The following ENOX2 variants were observed in gnomAD, a reference collection of about 807,000 sequenced individuals.
ENOX2 encodes ecto-NOX disulfide-thiol exchanger 2.
ENOX2 carries 36 observed loss-of-function variants against 45.0 expected under a neutral mutation model. The observed-to-expected ratio is 0.80, with a 90% CI of 0.61 to 1.06. ENOX2 has a LOEUF of 1.06. ENOX2 is among the 50% of genes least tolerant of loss of function. ENOX2 has a pLI of 0.00. For synonymous variants in ENOX2, 174 were observed against 152.3 expected, an observed-to-expected ratio of 1.14 and a Z score of -1.05; for missense variants, 423 against 462.5, an observed-to-expected ratio of 0.91 and a Z score of 0.78.
At chrX:130,766,084 G>A (rs1467961245) in intron 3 of ENOX2, among the ~76,000 whole-genome samples, 2 of 111,223 alleles carry the variant, frequency 1.8e-5, no homozygotes, top group Non-Finnish European at 3.8e-5. Flanking sequence ...TTAGTACTTT[G>A]TTCTTTCCAG....
In ENOX2 at chrX:130,799,070, C is replaced by T. The variant is rs751093877; in HGVS notation, c.-182-15380G>A. Among the ~76,000 whole-genome samples the T allele has an allele frequency of 1.3e-4, 15 of 111,285 alleles. No homozygotes were observed. The South Asian group carries it at 2.0e-3, about 15-fold the overall frequency. The stretch of plus-strand genomic sequence containing the variant: ...CCTGGGTGTGTCTGTAAGGGCGATG[C>T]CAAAGGAGATTAACATTTGAGTTAG... On this transcript the variant is annotated intron_variant, in intron 2 of 14. Transcript: ENST00000394363.
intron 2 of ENOX2, among the ~76,000 whole-genome samples, chrX:130,838,160 C>T (rs993477031): frequency 8.9e-6 from 1 of 111,772 alleles, no homozygotes; most frequent in Admixed American, 9.5e-5. Context: ...GTGGGCGGAT[C>T]ACTTGAGGTA....
intron 10 of ENOX2, chrX:130,646,046 C>G (rs1265738640): frequency 7.1e-6 from 4 of 560,117 alleles, no homozygotes; most frequent in Non-Finnish European, 1.3e-5. Context: ...ACGTCAACGT[C>G]CCTAGCACAA....
rs185440429 is a variant in ENOX2, at chrX:130,896,863, A to G, written c.-183+4821T>C. On this transcript the variant is annotated intron_variant, in intron 2 of 14. Coordinates refer to ENST00000394363, the MANE Select transcript of ENOX2 (RefSeq NM_006375.4). Reference sequence around the variant, plus strand: ...TTCAGGATCCTGAATGACCACTGATACGTTATTGTAGAGAAAATCAGATAT... The same window carrying G: ...TTCAGGATCCTGAATGACCACTGATGCGTTATTGTAGAGAAAATCAGATAT... Among the ~76,000 whole-genome samples, 84 of 112,040 alleles carry G rather than the reference A, an allele frequency of 7.5e-4. 2 individuals are homozygous for G. The highest frequency in any genetic ancestry group is 2.6e-3 in the African/African-American group (80 of 30,844).
intron 3 of ENOX2, among the ~76,000 whole-genome samples, chrX:130,731,524 G>A (rs2038738326): frequency 8.9e-6 from 1 of 111,933 alleles, no homozygotes; most frequent in East Asian, 2.8e-4. Context: ...GGGAAAAGGA[G>A]GAGGAGAAAC....
chrX:130,837,310 T>G (rs929832667), intron 2 of ENOX2, among the ~76,000 whole-genome samples: 1 of 111,963 alleles, frequency 8.9e-6, no homozygotes, highest in Non-Finnish European at 1.9e-5. Flanking sequence ...CAACAGCTCA[T>G]CTACAGTAAC....
At chrX:130,655,155 G>C (rs968750110) in intron 10 of ENOX2, among the ~76,000 whole-genome samples, 1 of 111,880 alleles carries the variant, frequency 8.9e-6, no homozygotes, top group Non-Finnish European at 1.9e-5. Flanking sequence ...TGTTTATTTT[G>C]GCTATAAGTT....
At chrX:130,851,541 G>A (rs886178042) in intron 2 of ENOX2, among the ~76,000 whole-genome samples, 1 of 107,636 alleles carries the variant, frequency 9.3e-6, no homozygotes, top group Non-Finnish European at 1.9e-5. Context: ...TCAATCTATG[G>A]TGCCTGATAC....
intron 9 of ENOX2, among the ~76,000 whole-genome samples, chrX:130,665,340 G>A (rs1312381274): frequency 1.8e-5 from 2 of 112,055 alleles, no homozygotes; most frequent in Non-Finnish European, 3.8e-5. Flanking sequence ...AGTAATTATT[G>A]TTGTACCCAA....
chrX:130,674,801 ATG>A (rs2037093791), intron 6 of ENOX2, among the ~76,000 whole-genome samples: 1 of 85,114 alleles, frequency 1.2e-5, no homozygotes, highest in Non-Finnish European at 2.2e-5. Context: ...CCAGAGTGTG[ATG>A]TTCCCCTTCC....
At chrX:130,628,251 G>A (rs2035602719) in intron 13 of ENOX2, among the ~76,000 whole-genome samples, 2 of 112,381 alleles carry the variant, frequency 1.8e-5, no homozygotes, top group African/African-American at 6.5e-5. Context: ...GGACACAGAT[G>A]CACTAAAAGT....
intron 6 of ENOX2, among the ~76,000 whole-genome samples, chrX:130,674,426 A>C: frequency 9.1e-6 from 1 of 109,991 alleles, no homozygotes; most frequent in Middle Eastern, 4.7e-3. Flanking sequence ...GGCCTAATAT[A>C]TGCCTAATTG....
intron 4 of ENOX2, among the ~76,000 whole-genome samples, chrX:130,698,962 TAAAG>T (rs1336685890): frequency 9.0e-6 from 1 of 111,680 alleles, no homozygotes; most frequent in Non-Finnish European, 1.9e-5. Context: ...GAGGGGAAAA[TAAAG>T]GAAGCAGCAG....
At chrX:130,791,950 C>T (rs2077050305) in intron 2 of ENOX2, among the ~76,000 whole-genome samples, 2 of 112,334 alleles carry the variant, frequency 1.8e-5, no homozygotes, top group South Asian at 7.5e-4. Context: ...GGTTACATGT[C>T]CCATTTACAA....
intron 3 of ENOX2, among the ~76,000 whole-genome samples, chrX:130,721,068 G>A (rs1023974832): frequency 2.7e-5 from 3 of 111,807 alleles, no homozygotes; most frequent in Non-Finnish European, 3.8e-5. Flanking sequence ...AAGGACAGAT[G>A]TCGTTAAAGG....
chrX:130,633,830 C>T (rs941117068), intron 12 of ENOX2, among the ~76,000 whole-genome samples: 32 of 112,112 alleles, frequency 2.9e-4, no homozygotes, highest in African/African-American at 9.7e-4. Context: ...TTAGAAGCCC[C>T]GATGGCATGA....
At chrX:130,725,977 T>C (rs2038595128) in intron 3 of ENOX2, among the ~76,000 whole-genome samples, 2 of 112,287 alleles carry the variant, frequency 1.8e-5, no homozygotes, top group South Asian at 3.7e-4. Flanking sequence ...TCCTAGATTC[T>C]TGCTTAGTGA....
intron 6 of ENOX2, 147 bp from the exon 7 acceptor site, chrX:130,670,345 G>A (rs55718093): frequency 4.3e-4 from 194 of 453,711 alleles, no homozygotes; most frequent in Non-Finnish European, 7.0e-4. Context: ...CACTGCAGCA[G>A]TTCCAAGTGA....
intron 2 of ENOX2, among the ~76,000 whole-genome samples, chrX:130,873,633 T>C (rs2148558479): frequency 8.9e-6 from 1 of 111,820 alleles, no homozygotes; most frequent in Non-Finnish European, 1.9e-5. Flanking sequence ...ACCAAAGACT[T>C]GGAACCAACA....
Sources: gnomAD v4.1 joint callset for allele counts (sites outside exome capture counted in the v4.1 genomes callset) on GRCh38, gnomAD v4.1.1 for gene constraint, MANE v1.5 for transcripts, NCBI Gene and HGNC (gene_info 2026-07-23, HGNC 2026-07-21) for gene names.